The following CSMD1 variants were observed in gnomAD, a reference collection of about 807,000 sequenced individuals.
CSMD1 encodes the protein CUB and sushi domain-containing protein 1.
Under a neutral mutation model 417.5 loss-of-function variants are expected in CSMD1, and 213 were observed. The observed-to-expected ratio is 0.51, with a 90% confidence interval of 0.46 to 0.57. The LOEUF is 0.57. Among genes scored for constraint, CSMD1 ranks in the 20% least tolerant of loss-of-function variants. The pLI is 0.00. For missense variants in CSMD1, 6,923 were observed against 4,529.7 expected (o/e 1.53, Z -15.17); for synonymous variants, 2,862 against 1,736.8 (o/e 1.65, Z -16.11).
At chr8:4,713,827 T>G (rs951760716) in intron 1 of CSMD1, among the ~76,000 whole-genome samples, 1 of 152,160 alleles carries the variant, frequency 6.6e-6, no homozygotes, top group Non-Finnish European at 1.5e-5. Flanking sequence ...TGCTTTCTTC[T>G]GTCCTTTTAA....
chr8:3,425,079 A>G (rs1419419467), intron 12 of CSMD1, among the ~76,000 whole-genome samples: 1 of 152,104 alleles, frequency 6.6e-6, no homozygotes, highest in Non-Finnish European at 1.5e-5. Context: ...GGCTCAAGCA[A>G]TCCTCCTGTC....
In CSMD1 at chr8:4,903,656, A is replaced by G. The variant is rs566235911; in HGVS notation, c.85+90676T>C. On this transcript the variant is annotated intron_variant, in intron 1 of 69. Coordinates refer to ENST00000635120, the MANE Select transcript of CSMD1 (RefSeq NM_033225.6). The stretch of plus-strand genomic sequence containing the variant: ...ATTAGAAACTCCTTTCTTTGAAGCA[A>G]GTTATTCAGGACTAAATGTTTATAC... Among the ~76,000 whole-genome samples, 5 of 152,332 alleles carry G rather than the reference A, an allele frequency of 3.3e-5. 1 individual carries two copies. The South Asian group carries it at 1.0e-3, about 32-fold the overall frequency.
intron 26 of CSMD1, among the ~76,000 whole-genome samples, chr8:3,251,912 T>G: frequency 6.6e-6 from 1 of 152,208 alleles, no homozygotes; most frequent in Non-Finnish European, 1.5e-5. Flanking sequence ...GCACATTGAT[T>G]TTGTATCCTG....
chr8:3,489,501 C>T (rs1292483839), intron 11 of CSMD1, among the ~76,000 whole-genome samples: 1 of 152,158 alleles, frequency 6.6e-6, no homozygotes, highest in Non-Finnish European at 1.5e-5. Context: ...TGCAGTTCCT[C>T]CACAAATCAA....
intron 2 of CSMD1, among the ~76,000 whole-genome samples, chr8:4,442,790 C>A (rs967837868): frequency 3.3e-5 from 5 of 152,176 alleles, no homozygotes; most frequent in Admixed American, 2.6e-4. Context: ...TGATAACTTA[C>A]AATTTTTAAA....
At chr8:4,214,201 A>C (rs1800493604) in intron 3 of CSMD1, among the ~76,000 whole-genome samples, 1 of 152,220 alleles carries the variant, frequency 6.6e-6, no homozygotes, top group Non-Finnish European at 1.5e-5. Context: ...ACGGCTCAAT[A>C]GATGGAAATT....
chr8:3,080,598 C>T (rs1049203347), intron 49 of CSMD1, among the ~76,000 whole-genome samples: 1 of 152,176 alleles, frequency 6.6e-6, no homozygotes, highest in African/African-American at 2.4e-5. Flanking sequence ...AGATCTCTGT[C>T]CGGGTTGTGG....
intron 2 of CSMD1, among the ~76,000 whole-genome samples, chr8:4,566,556 G>A (rs573107587): frequency 6.7e-6 from 1 of 150,110 alleles, no homozygotes; most frequent in Non-Finnish European, 1.5e-5. Flanking sequence ...GGGAGGCTGA[G>A]GCAGGAGAGT....
chr8:4,685,860 G>C lies in CSMD1; in HGVS notation c.86-48302C>G, dbSNP rs142281640. Among the ~76,000 whole-genome samples the C allele has an allele frequency of 2.4e-3, 369 of 152,310 alleles. 5 individuals carry two copies. The highest frequency in any genetic ancestry group is 8.6e-3 in the African/African-American group (359 of 41,564). ...TCATATTTATAGGTTTGCTAAAAGA[G>C]AGGTTGATTTCCCTTTGGGCCATGG... On this transcript the variant is annotated intron_variant, in intron 1 of 69. Transcript: ENST00000635120.
chr8:4,824,231 A>C (rs964932755), intron 1 of CSMD1, among the ~76,000 whole-genome samples: 2 of 152,116 alleles, frequency 1.3e-5, no homozygotes, highest in Non-Finnish European at 2.9e-5. Flanking sequence ...TAGATTAGCC[A>C]AGAAAGAGGG....
intron 1 of CSMD1, among the ~76,000 whole-genome samples, chr8:4,855,871 C>G (rs1322654618): frequency 1.3e-5 from 2 of 150,610 alleles, no homozygotes; most frequent in Non-Finnish European, 3.0e-5. Flanking sequence ...CTTCCCCAAT[C>G]TAGCAAGGCA....
intron 2 of CSMD1, among the ~76,000 whole-genome samples, chr8:4,424,813 GC>G (rs1797451656): frequency 6.6e-6 from 1 of 151,908 alleles, no homozygotes; most frequent in South Asian, 2.1e-4. Context: ...CCATAGTTTT[GC>G]CGGTGGTTTC....
intron 26 of CSMD1, 99 bp from the exon 27 acceptor site, chr8:3,230,330 G>T: frequency 2.2e-6 from 2 of 901,764 alleles, no homozygotes; most frequent in Non-Finnish European, 3.2e-6. Context: ...CTCTTCATTG[G>T]CCTAATAAGT....
chr8:4,525,199 C>T (rs1452392980), intron 2 of CSMD1, among the ~76,000 whole-genome samples: 2 of 152,108 alleles, frequency 1.3e-5, no homozygotes, highest in African/African-American at 2.4e-5. Flanking sequence ...CAACCCCCAC[C>T]TACCAACAAA....
chr8:3,764,860 C>T (rs1158485840), intron 5 of CSMD1, among the ~76,000 whole-genome samples: 1 of 151,666 alleles, frequency 6.6e-6, no homozygotes, highest in Non-Finnish European at 1.5e-5. Flanking sequence ...GATTCTCATG[C>T]CTCAGCCTCC....
chr8:2,943,473 C>G (rs1044618497), intron 68 of CSMD1, among the ~76,000 whole-genome samples: 5 of 152,130 alleles, frequency 3.3e-5, no homozygotes, highest in African/African-American at 1.2e-4. Flanking sequence ...AATGATCCAC[C>G]TGCCTCGGCC....
At chr8:4,322,262 G>C (rs1044839793) in intron 3 of CSMD1, among the ~76,000 whole-genome samples, 1 of 152,074 alleles carries the variant, frequency 6.6e-6, no homozygotes, top group Non-Finnish European at 1.5e-5. Flanking sequence ...ATTTAAAATA[G>C]TTTAAACATA....
At chr8:4,744,154 C>T (rs562444996) in intron 1 of CSMD1, among the ~76,000 whole-genome samples, 14 of 152,270 alleles carry the variant, frequency 9.2e-5, no homozygotes, top group Middle Eastern at 3.4e-3. Flanking sequence ...CTTTGGGTTC[C>T]CTATAAAGAG....
chr8:4,031,698 T>C (rs765223642), intron 4 of CSMD1, among the ~76,000 whole-genome samples: 62 of 152,200 alleles, frequency 4.1e-4, no homozygotes, highest in Non-Finnish European at 8.1e-4. Context: ...CATACTAACA[T>C]GCAATATTAA....
Sources: gnomAD v4.1 joint callset for allele counts (sites outside exome capture counted in the v4.1 genomes callset) on GRCh38, gnomAD v4.1.1 for gene constraint, MANE v1.5 for transcripts, NCBI Gene and HGNC (gene_info 2026-07-23, HGNC 2026-07-21) for gene names.